TAOK3: variants seen among roughly 807,000 people sequenced by gnomAD.
TAOK3 encodes the protein serine/threonine-protein kinase TAO3.
Under a neutral mutation model 120.4 loss-of-function variants are expected in TAOK3, and 40 were observed. The observed-to-expected ratio is 0.33, with a 90% CI of 0.26 to 0.43. The LOEUF (loss-of-function observed/expected upper bound fraction) is 0.43. Ranked by LOEUF, TAOK3 falls within the 20% of genes least tolerant of loss-of-function variation. TAOK3 has a pLI of 1.00. For missense variants in TAOK3, 821 were observed against 1,112.1 expected (o/e 0.74, Z 3.72); for synonymous variants, 355 against 387.5 (o/e 0.92, Z 0.99).
At chr12:118,157,789 G>A (rs1181630225) in intron 19 of TAOK3, among the ~76,000 whole-genome samples, 1 of 152,230 alleles carries the variant, frequency 6.6e-6, no homozygotes, top group Non-Finnish European at 1.5e-5. Flanking sequence ...AATACTTGCT[G>A]GATGGATGAA....
intron 1 of TAOK3, among the ~76,000 whole-genome samples, chr12:118,297,583 A>G (rs2042730167): frequency 6.6e-6 from 1 of 152,204 alleles, no homozygotes; most frequent in Non-Finnish European, 1.5e-5. Context: ...ACCTGAAATT[A>G]TCTGAAATTA....
chr12:118,191,904 C>T (rs774208099), intron 13 of TAOK3, among the ~76,000 whole-genome samples: 1 of 152,128 alleles, frequency 6.6e-6, no homozygotes. Context: ...TTTAACAAGT[C>T]GTAGTTTTGG....
intron 1 of TAOK3, among the ~76,000 whole-genome samples, chr12:118,294,339 C>T (rs1203406365): frequency 1.3e-5 from 2 of 152,004 alleles, no homozygotes; most frequent in African/African-American, 4.8e-5. Flanking sequence ...GATCCACTCT[C>T]TTTCACTATA....
intron 1 of TAOK3, among the ~76,000 whole-genome samples, chr12:118,354,048 C>T (rs2045292626): frequency 6.6e-6 from 1 of 152,118 alleles, no homozygotes; most frequent in Non-Finnish European, 1.5e-5. Context: ...AAGATATGAA[C>T]CCTAGAGTCT....
At chr12:118,197,934 AC>A (rs1404204973) in intron 13 of TAOK3, among the ~76,000 whole-genome samples, 3 of 151,618 alleles carry the variant, frequency 2.0e-5, no homozygotes, top group African/African-American at 7.3e-5. Flanking sequence ...TGATCCGCCC[AC>A]CTCGGCCATT....
At chr12:118,185,876 C>T (rs1488620390) in intron 14 of TAOK3, among the ~76,000 whole-genome samples, 2 of 152,156 alleles carry the variant, frequency 1.3e-5, no homozygotes, top group Admixed American at 1.3e-4. Flanking sequence ...TCAGCAATGA[C>T]CTTAGTGAGT....
chr12:118,326,921 C>T (rs2043958839), intron 1 of TAOK3, among the ~76,000 whole-genome samples: 1 of 152,126 alleles, frequency 6.6e-6, no homozygotes, highest in Non-Finnish European at 1.5e-5. Flanking sequence ...ATTGTGTATT[C>T]TTCAGAAATT....
chr12:118,237,476 G>A (rs2040064305), intron 7 of TAOK3, among the ~76,000 whole-genome samples: 1 of 152,004 alleles, frequency 6.6e-6, no homozygotes, highest in South Asian at 2.1e-4. Context: ...AAAATACAAG[G>A]CAGAGAAAAG....
chr12:118,278,797 C>T (rs1304069250), intron 1 of TAOK3, among the ~76,000 whole-genome samples: 1 of 152,060 alleles, frequency 6.6e-6, no homozygotes, highest in South Asian at 2.1e-4. Context: ...ACCTTGACAG[C>T]ATCTGTTATT....
At position 118,366,349 on chromosome 12, in the gene TAOK3, T is replaced by C. The variant is rs577798986; in HGVS notation, c.-194+6299A>G. Among the ~76,000 whole-genome samples the C allele has an allele frequency of 3.3e-5, 5 of 152,330 alleles. No homozygotes were observed. In the South Asian group the frequency reaches 1.0e-3, roughly 32 times the overall value. On this transcript the variant is annotated intron_variant, in intron 1 of 20. Transcript: ENST00000392533. ...TTAGTATGTCTGCTGCCAAGAATAA[T>C]TAAGTTATTAATGTATTTAAGAAAG... is the stretch of plus-strand genomic sequence containing the variant.
Position 118,213,134 on chromosome 12 carries a change from G to C in TAOK3, c.738-139C>G, listed in dbSNP as rs567321323. ...ATGCTTTGGAATATCAGGATAACTG[G>C]AGCATTTTCAAGTTACGATATCTAA... On this transcript the variant is annotated intron_variant, in intron 10 of 20. Transcript: ENST00000392533. The C allele has an allele frequency of 1.4e-3, 656 of 483,420 alleles. 5 individuals are homozygous for C. The highest frequency in any genetic ancestry group is 2.7e-3 in the South Asian group (61 of 22,206). 29.9% of individuals were successfully genotyped at this position (483,420 alleles called of 1,614,324 possible). A position where few individuals can be genotyped will look rare whatever the true frequency, so the allele number is the denominator to read the frequency against.
intron 1 of TAOK3, among the ~76,000 whole-genome samples, chr12:118,314,601 A>G (rs1487486389): frequency 6.6e-6 from 1 of 152,214 alleles, no homozygotes; most frequent in African/African-American, 2.4e-5. Context: ...CACTAAAACC[A>G]CAGAACATCC....
At chr12:118,279,341 T>C (rs539638266) in intron 1 of TAOK3, among the ~76,000 whole-genome samples, 2 of 152,180 alleles carry the variant, frequency 1.3e-5, no homozygotes, top group Non-Finnish European at 2.9e-5. Context: ...GTTGGATGCA[T>C]AGTTTGCAAA....
At chr12:118,208,999 C>T (rs1005793661) in intron 11 of TAOK3, among the ~76,000 whole-genome samples, 13 of 152,176 alleles carry the variant, frequency 8.5e-5, no homozygotes, top group African/African-American at 2.2e-4. Context: ...CATGAGCCAC[C>T]GTGCCCGGCC....
chr12:118,218,670 C>A (rs1055673909), intron 9 of TAOK3, among the ~76,000 whole-genome samples: 2 of 149,236 alleles, frequency 1.3e-5, no homozygotes, highest in African/African-American at 4.9e-5. Flanking sequence ...CTTTTTTTTT[C>A]CTGAATATTT....
chr12:118,201,340 C>T lies in TAOK3; in HGVS notation c.943G>A (p.Glu315Lys). 6.2e-7 allele frequency: 1 copy of T among 1,614,036 alleles called. No homozygotes were observed. Residue 315 changes from glutamate to lysine, a missense_variant, in exon 12 of 21, where the codon GAG becomes AAG. Coordinates refer to ENST00000392533, the MANE Select transcript of TAOK3 (RefSeq NM_016281.4). ...TCATTCAAGGGTCCATTCCGTGTCTCTTGGAAAAGTATTTTTTTCATTTTT... is the reference window on the plus strand; with the variant it reads ...TCATTCAAGGGTCCATTCCGTGTCTTTTGGAAAAGTATTTTTTTCATTTTT... ...YRKMKKILFQ[E>K]TRNGPLNESQ...
intron 1 of TAOK3, among the ~76,000 whole-genome samples, chr12:118,292,842 A>G (rs566624918): frequency 6.6e-6 from 1 of 152,372 alleles, no homozygotes; most frequent in South Asian, 2.1e-4. Context: ...GAGTGTACCA[A>G]TTCAAGACAA....
At chr12:118,360,964 A>C (rs972962360) in intron 1 of TAOK3, among the ~76,000 whole-genome samples, 2 of 152,210 alleles carry the variant, frequency 1.3e-5, no homozygotes, top group African/African-American at 4.8e-5. Flanking sequence ...GGAAAAGGAA[A>C]AACTTCTCAC....
chr12:118,181,115 G>T (rs34315452), intron 15 of TAOK3, among the ~76,000 whole-genome samples: 1 of 152,180 alleles, frequency 6.6e-6, no homozygotes, highest in Non-Finnish European at 1.5e-5. Flanking sequence ...AAAGTGCTGG[G>T]ATTACAGGCG....
Sources: gnomAD v4.1 joint callset for allele counts (sites outside exome capture counted in the v4.1 genomes callset) on GRCh38, gnomAD v4.1.1 for gene constraint, MANE v1.5 for transcripts, NCBI Gene and HGNC (gene_info 2026-07-23, HGNC 2026-07-21) for gene names.